The following GPHN variants were observed in gnomAD, a reference collection of about 807,000 sequenced individuals.
The protein encoded by GPHN is gephyrin.
GPHN carries 17 observed loss-of-function variants against 95.5 expected under a neutral mutation model. That is an observed-to-expected ratio of 0.18 (90% confidence interval 0.12 to 0.27). The LOEUF is 0.27. Among genes scored for constraint, GPHN ranks in the 10% least tolerant of loss-of-function variants. GPHN has a pLI of 1.00. For synonymous variants in GPHN, 320 were observed against 322.5 expected (o/e 0.99, Z 0.08); for missense variants, 660 against 978.1 (o/e 0.67, Z 4.34).
the GPHN span, among the ~76,000 whole-genome samples, chr14:67,511,664 G>A: frequency 1.3e-5 from 2 of 152,240 alleles, no homozygotes; most frequent in Non-Finnish European, 2.9e-5. Flanking sequence ...AAAATCAGAG[G>A]AGGGTGGAAA....
In GPHN at chr14:67,065,020, A is replaced by T. The variant is rs189711068; in HGVS notation, c.1144+6234A>T. On this transcript the variant is annotated intron_variant, in intron 11 of 22. Coordinates refer to ENST00000478722, the MANE Select transcript of GPHN (RefSeq NM_020806.5). ...TGCTTCTCTAGTTCTTTTAATTATG[A>T]TGTTAGGGTGTCAATTTTAGATCTT... Among the ~76,000 whole-genome samples, 1,472 of 152,056 alleles carry T rather than the reference A, an allele frequency of 9.7e-3. 75 individuals are homozygous for T. Among genetic ancestry groups the T allele is most frequent in the Admixed American group, 0.089 (1,359 of 15,280 alleles).
Position 66,508,152 on chromosome 14 carries a change from C to T in GPHN, c.-376C>T, listed in dbSNP as rs1269923216. ...ACCTCCAGAGCGTGTGCTATCCTTT[C>T]CTCTCAGTCCTGCCATCTAGCTGCC... On this transcript the variant is annotated 5_prime_UTR_variant, in exon 1 of 23. Coordinates refer to ENST00000478722, the MANE Select transcript of GPHN (RefSeq NM_020806.5). 2 of 454,800 alleles carry T rather than the reference C, an allele frequency of 4.4e-6. No individual in the cohort carries two copies. The highest frequency in any genetic ancestry group is 4.1e-5 in the East Asian group (1 of 24,576). The allele number at this position is 454,800 out of a possible 1,614,324, so 28.2% of individuals were successfully genotyped here.
chr14:67,059,609 A>G (rs1200511675), intron 11 of GPHN, among the ~76,000 whole-genome samples: 1 of 152,224 alleles, frequency 6.6e-6, no homozygotes, highest in Non-Finnish European at 1.5e-5. Flanking sequence ...CAAACTCAGA[A>G]TAGCAGAAAA....
the GPHN span, among the ~76,000 whole-genome samples, chr14:67,420,704 G>T: frequency 6.6e-6 from 1 of 152,236 alleles, no homozygotes; most frequent in Admixed American, 6.5e-5. Flanking sequence ...CAATTAGCTG[G>T]CACTTCTGAC....
At chr14:67,213,512 GCAT>G in the GPHN span, among the ~76,000 whole-genome samples, 2 of 151,408 alleles carry the variant, frequency 1.3e-5, no homozygotes, top group Non-Finnish European at 2.9e-5. Context: ...TTTTATGGCT[GCAT>G]AGTATTCCAT....
intron 3 of GPHN, among the ~76,000 whole-genome samples, chr14:66,795,725 A>G (rs1221465565): frequency 6.6e-6 from 1 of 152,180 alleles, no homozygotes; most frequent in Non-Finnish European, 1.5e-5. Context: ...TAATAAATGT[A>G]TATATTTATA....
chr14:67,313,474 A>T, the GPHN span, among the ~76,000 whole-genome samples: 2 of 152,190 alleles, frequency 1.3e-5, no homozygotes, highest in African/African-American at 4.8e-5. Context: ...AAATGTTGTT[A>T]TGCAGTGCAT....
At chr14:67,033,349 A>C (rs1213738190) in intron 10 of GPHN, among the ~76,000 whole-genome samples, 2 of 152,194 alleles carry the variant, frequency 1.3e-5, no homozygotes, top group Non-Finnish European at 2.9e-5. Flanking sequence ...GGATCACTTG[A>C]GTCCAGGGAT....
chr14:67,343,485 C>T, the GPHN span: 1 of 1,324,452 alleles, frequency 7.6e-7, no homozygotes, highest in Non-Finnish European at 1.1e-6. Flanking sequence ...TCTTCCTAAT[C>T]ATTCCCTGAT....
intron 1 of GPHN, among the ~76,000 whole-genome samples, chr14:66,662,899 A>C (rs766816421): frequency 2.0e-4 from 30 of 152,212 alleles, no homozygotes; most frequent in Admixed American, 8.5e-4. Context: ...TGTCTTTCTG[A>C]AATAAGACAG....
chr14:67,170,160 T>C (rs1459749212), intron 21 of GPHN, among the ~76,000 whole-genome samples: 1 of 152,160 alleles, frequency 6.6e-6, no homozygotes, highest in South Asian at 2.1e-4. Context: ...AATCTAGGCT[T>C]TCAATAGTCT....
At chr14:67,572,199 G>A in the GPHN span, 1 of 1,609,060 alleles carries the variant, frequency 6.2e-7, no homozygotes, top group Non-Finnish European at 8.5e-7. Context: ...CCTGCTCACT[G>A]GACAGTGACT....
intron 1 of GPHN, among the ~76,000 whole-genome samples, chr14:66,628,693 A>T (rs2063615225): frequency 6.6e-6 from 1 of 151,976 alleles, no homozygotes; most frequent in African/African-American, 2.4e-5. Flanking sequence ...GCTTACTTTA[A>T]TTTTTTTAGT....
the GPHN span, chr14:67,573,790 TTTC>T: frequency 6.3e-7 from 1 of 1,596,202 alleles, no homozygotes; most frequent in Non-Finnish European, 8.6e-7. This position sits in a 1 kb window ranked among gnomAD's most constrained non-coding sequence, Gnocchi z 4.8. Flanking sequence ...TCTCCAATAC[TTTC>T]TTTACAGAGT....
At chr14:67,247,229 CTT>C in the GPHN span, among the ~76,000 whole-genome samples, 1 of 152,126 alleles carries the variant, frequency 6.6e-6, no homozygotes, top group African/African-American at 2.4e-5. Flanking sequence ...ATATGCAGAT[CTT>C]GCAAATACTT....
rs540551730 is a variant in GPHN, at chr14:66,962,331, G to GTTTT, written c.829-2858_829-2855dup. On this transcript the variant is annotated intron_variant, in intron 8 of 22. Coordinates refer to ENST00000478722, the MANE Select transcript of GPHN (RefSeq NM_020806.5). ...TAAGTCTGTATCTCCAGCATAGGCA[G>GTTTT]TTTTTGTTTTTTTTTTTAAGATTGG... 2.2e-4 allele frequency among the ~76,000 whole-genome samples: 32 copies of GTTTT among 148,376 alleles called. 1 individual carries two copies. The highest frequency in any genetic ancestry group is 3.5e-4 in the African/African-American group (14 of 40,104).
intron 1 of GPHN, among the ~76,000 whole-genome samples, chr14:66,608,892 A>G (rs1234921036): frequency 6.6e-6 from 1 of 152,040 alleles, no homozygotes; most frequent in African/African-American, 2.4e-5. Flanking sequence ...TGTGAGATGC[A>G]TCTTCTTGAA....
intron 1 of GPHN, among the ~76,000 whole-genome samples, chr14:66,597,959 A>G (rs1381153475): frequency 1.3e-5 from 2 of 152,334 alleles, no homozygotes; most frequent in East Asian, 1.9e-4. Flanking sequence ...TTAACAAAAG[A>G]AGGAAATCCT....
chr14:66,746,387 TG>T (rs1236154910), intron 2 of GPHN, among the ~76,000 whole-genome samples: 2 of 152,168 alleles, frequency 1.3e-5, no homozygotes, highest in Non-Finnish European at 2.9e-5. Context: ...TTGATATTTT[TG>T]TTTTGGCCTT....
Sources: allele counts gnomAD v4.1 joint callset (sites outside exome capture counted in the v4.1 genomes callset), GRCh38; gene constraint gnomAD v4.1.1; non-coding constraint Gnocchi (gnomAD v3.1); transcripts MANE v1.5; gene names NCBI Gene and HGNC (gene_info 2026-07-23, HGNC 2026-07-21).